SHISA6: variants seen among roughly 807,000 people sequenced by gnomAD.
The protein encoded by SHISA6 is protein shisa-6.
In SHISA6, 22 loss-of-function variants were observed where a neutral mutation model predicts 47.9. The ratio of observed to expected loss-of-function variants is 0.46; its 90% CI spans 0.33 to 0.66. SHISA6 has a LOEUF of 0.66. Among genes scored for constraint, SHISA6 ranks in the 30% least tolerant of loss-of-function variants. The pLI, the probability that SHISA6 is intolerant of heterozygous loss-of-function variation, is 0.02. For missense variants in SHISA6, 680 were observed against 764.6 expected (o/e 0.89, Z 1.30); for synonymous variants, 388 against 337.8 (o/e 1.15, Z -1.63).
intron 3 of SHISA6, among the ~76,000 whole-genome samples, chr17:11,453,717 C>G (rs926907331): frequency 3.3e-5 from 5 of 152,108 alleles, no homozygotes; most frequent in African/African-American, 1.2e-4. Context: ...GAAAACTACT[C>G]GACAAAAACG....
At chr17:11,326,515 A>C (rs562632548) in intron 2 of SHISA6, among the ~76,000 whole-genome samples, 1 of 152,208 alleles carries the variant, frequency 6.6e-6, no homozygotes, top group Non-Finnish European at 1.5e-5. Flanking sequence ...TCAGAAACAG[A>C]GCAGTCTTGG....
Position 11,508,984 on chromosome 17 carries a change from T to C in SHISA6, c.896-42912T>C, listed in dbSNP as rs1050486833. 1.2e-3 allele frequency among the ~76,000 whole-genome samples: 106 copies of C among 88,608 alleles called. 20 individuals are homozygous for C. Among genetic ancestry groups the C allele is most frequent in the African/African-American group, 4.4e-3 (101 of 23,106 alleles). The allele number at this position is 88,608 out of a possible 152,430, so 58.1% of individuals were successfully genotyped here. On this transcript the variant is annotated intron_variant, in intron 3 of 5. Transcript: ENST00000441885. ...GAAACCCTCCTGAGGAAGAAAAACC[T>C]GTGACAAGAGCTTGTATCTGAGTGA...
chr17:11,301,282 G>GC (rs1172396497), intron 2 of SHISA6, among the ~76,000 whole-genome samples: 1 of 152,078 alleles, frequency 6.6e-6, no homozygotes, highest in Non-Finnish European at 1.5e-5. Context: ...GTGCGTTGCA[G>GC]CCCCCAGGAC....
intron 3 of SHISA6, among the ~76,000 whole-genome samples, chr17:11,476,498 A>C (rs940603122): frequency 1.3e-5 from 2 of 151,994 alleles, no homozygotes; most frequent in Non-Finnish European, 2.9e-5. Context: ...ACATAGTTCA[A>C]AATATCTTTG....
At chr17:11,306,637 G>A (rs1418050025) in intron 2 of SHISA6, among the ~76,000 whole-genome samples, 1 of 152,168 alleles carries the variant, frequency 6.6e-6, no homozygotes, top group Non-Finnish European at 1.5e-5. Flanking sequence ...TTTTTTGGAT[G>A]TGATAAGGGC....
intron 2 of SHISA6, among the ~76,000 whole-genome samples, chr17:11,315,952 A>T (rs1008113522): frequency 6.6e-6 from 1 of 152,150 alleles, no homozygotes; most frequent in Non-Finnish European, 1.5e-5. Context: ...AAGTGGTTTA[A>T]ATAACAAAAG....
intron 2 of SHISA6, among the ~76,000 whole-genome samples, chr17:11,324,601 A>G (rs75514752): frequency 0.027 from 4,139 of 151,928 alleles, 169 homozygotes; most frequent in African/African-American, 0.089. Flanking sequence ...TGTGCTCCAG[A>G]TTGGGGGGTG....
intron 2 of SHISA6, among the ~76,000 whole-genome samples, chr17:11,352,285 T>C (rs12150372): frequency 0.53 from 80,502 of 151,680 alleles, 21,927 homozygotes; most frequent in Middle Eastern, 0.6. Flanking sequence ...ATAGTGTTCA[T>C]ATTGAGAAAT....
At chr17:11,273,214 TG>T (rs1346760876) in intron 2 of SHISA6, among the ~76,000 whole-genome samples, 2 of 152,232 alleles carry the variant, frequency 1.3e-5, no homozygotes. Context: ...GGGTGCTGAC[TG>T]ATCTGGGCGC....
rs139991386 is a variant in SHISA6 at position 11,343,656 on chromosome 17, G to A, written c.800-35758G>A. Among the ~76,000 whole-genome samples the A allele has an allele frequency of 2.5e-3, 376 of 152,324 alleles. 2 individuals are homozygous for A. Among genetic ancestry groups the A allele is most frequent in the Middle Eastern group, 0.017 (5 of 294 alleles). ...ATCACTCCAGATTAGCCTATGTGATGGAATGGCGGAGCAGGCTCCACAGCA... is the reference window on the plus strand; with the variant it reads ...ATCACTCCAGATTAGCCTATGTGATAGAATGGCGGAGCAGGCTCCACAGCA... On this transcript the variant is annotated intron_variant, in intron 2 of 5. Coordinates refer to ENST00000441885, the MANE Select transcript of SHISA6 (RefSeq NM_207386.4).
chr17:11,337,546 A>G (rs1016109264), intron 2 of SHISA6, among the ~76,000 whole-genome samples: 1 of 152,346 alleles, frequency 6.6e-6, no homozygotes, highest in Admixed American at 6.5e-5. Context: ...TTAGCTACAA[A>G]GAGGCAGAGT....
intron 3 of SHISA6, among the ~76,000 whole-genome samples, chr17:11,544,961 C>CA (rs374571214): frequency 0.16 from 9,880 of 62,106 alleles, 503 homozygotes; most frequent in Middle Eastern, 0.27. Flanking sequence ...ACTCTCTCTC[C>CA]AAAAAAAAAA....
At chr17:11,349,305 A>G (rs958119967) in intron 2 of SHISA6, among the ~76,000 whole-genome samples, 6 of 152,162 alleles carry the variant, frequency 3.9e-5, no homozygotes, top group Non-Finnish European at 5.9e-5. Context: ...CAGCTTTCAC[A>G]TTGGGCCAGA....
chr17:11,379,252 T>C (rs1912926046), intron 2 of SHISA6, among the ~76,000 whole-genome samples, 162 bp from the exon 3 acceptor site: 1 of 149,178 alleles, frequency 6.7e-6, no homozygotes, highest in Non-Finnish European at 1.5e-5. Context: ...TAATATATAT[T>C]TTATATGTAT....
intron 3 of SHISA6, among the ~76,000 whole-genome samples, chr17:11,450,808 T>C (rs1336720570): frequency 6.6e-6 from 1 of 151,926 alleles, no homozygotes; most frequent in African/African-American, 2.4e-5. Flanking sequence ...GAAGAACCAA[T>C]TGGTCGATGG....
At chr17:11,370,074 G>C (rs998269242) in intron 2 of SHISA6, among the ~76,000 whole-genome samples, 1 of 152,150 alleles carries the variant, frequency 6.6e-6, no homozygotes, top group Non-Finnish European at 1.5e-5. Flanking sequence ...TGACCTTGAA[G>C]ACTCTTTCTG....
At chr17:11,314,505 T>A (rs1401291376) in intron 2 of SHISA6, among the ~76,000 whole-genome samples, 2 of 151,718 alleles carry the variant, frequency 1.3e-5, no homozygotes, top group Admixed American at 1.3e-4. Flanking sequence ...TGTGTACTTT[T>A]ACGTCATTCC....
intron 3 of SHISA6, among the ~76,000 whole-genome samples, chr17:11,498,068 A>C (rs1163894164): frequency 2.0e-5 from 3 of 152,350 alleles, no homozygotes; most frequent in East Asian, 3.9e-4. Flanking sequence ...AATGTTAATT[A>C]GTTCTAGCTT....
chr17:11,362,385 A>AGCCTCCCAAGTGATCTACC (rs1912318501), intron 2 of SHISA6, among the ~76,000 whole-genome samples: 3 of 152,230 alleles, frequency 2.0e-5, no homozygotes, highest in African/African-American at 7.2e-5. Flanking sequence ...AGTGATCTAC[A>AGCCTCCCAAGTGATCTACC]TGCCTCAGCC....
Sources: gnomAD v4.1 joint callset for allele counts (sites outside exome capture counted in the v4.1 genomes callset) on GRCh38, gnomAD v4.1.1 for gene constraint, MANE v1.5 for transcripts, NCBI Gene and HGNC (gene_info 2026-07-23, HGNC 2026-07-21) for gene names.